The following MAPK8IP3 variants were observed in gnomAD, a reference collection of about 807,000 sequenced individuals.
MAPK8IP3 encodes the protein mitogen-activated protein kinase 8 interacting protein 3, also known as C-Jun-amino-terminal kinase-interacting protein 3.
In MAPK8IP3, 49 loss-of-function variants were observed where a neutral mutation model predicts 157.8. The ratio of observed to expected loss-of-function variants is 0.31; its 90% CI spans 0.25 to 0.39. The LOEUF (loss-of-function observed/expected upper bound fraction) is 0.39, where lower values mean the gene tolerates loss of function less well. MAPK8IP3 is among the 10% of genes least tolerant of loss of function. The pLI is 1.00. For missense variants in MAPK8IP3, 1,478 were observed against 1,889.4 expected, an observed-to-expected ratio of 0.78 and a Z score of 4.04; for synonymous variants, 897 against 777.7, an observed-to-expected ratio of 1.15 and a Z score of -2.55.
chr16:1,727,419 A>T (rs186165573), intron 2 of MAPK8IP3, among the ~76,000 whole-genome samples: 1 of 151,776 alleles, frequency 6.6e-6, no homozygotes, highest in African/African-American at 2.4e-5. Flanking sequence ...AGCGTCTGTG[A>T]GTCACATGTG....
At chr16:1,733,647 T>C (rs959622885) in intron 4 of MAPK8IP3, among the ~76,000 whole-genome samples, 1 of 152,218 alleles carries the variant, frequency 6.6e-6, no homozygotes, top group Non-Finnish European at 1.5e-5. Context: ...CCTTGGCTCG[T>C]CCTGGCGCCG....
chr16:1,736,490 GCGTCCGTGTGAGCGTGTGAC>G (rs2039846581), intron 4 of MAPK8IP3, among the ~76,000 whole-genome samples: 1 of 55,228 alleles, frequency 1.8e-5, no homozygotes, highest in Non-Finnish European at 3.2e-5. Context: ...GTGACCGTGA[GCGTCCGTGTGAGCGTGTGAC>G]CGTCCGTGTG....
intron 1 of MAPK8IP3, among the ~76,000 whole-genome samples, chr16:1,712,125 A>G (rs964554340): frequency 1.5e-5 from 2 of 130,734 alleles, no homozygotes; most frequent in South Asian, 2.5e-4. Context: ...ACAGTGGCGC[A>G]ATCTCGGCTC....
At position 1,761,246 on chromosome 16, in the gene MAPK8IP3, G is replaced by A. The variant is rs750160507; in HGVS notation, c.1480G>A (p.Ala494Thr). The A allele has an allele frequency of 5.0e-6, 8 of 1,613,500 alleles. No homozygotes were observed. The highest frequency in any genetic ancestry group is 2.2e-5 in the South Asian group (2 of 91,074). Residue 494 changes from alanine (A) to threonine (T), a missense_variant, in exon 13 of 32, where the codon GCC (alanine) becomes ACC (threonine). This residue lies in a region of MAPK8IP3 where 96 missense variants were observed against 106.3 expected (regional missense o/e 0.90). Transcript: ENST00000610761. Reference sequence around the variant, plus strand: ...CAGAGTGAAGTCCGAGGCCATCATCGCCCGCCGTGAACCCAAAGAAGAGGC... The same window carrying A: ...CAGAGTGAAGTCCGAGGCCATCATCACCCGCCGTGAACCCAAAGAAGAGGC... ...LKRVKSEAII[A>T]RREPKEEAED...
chr16:1,709,381 C>G (rs115286544), intron 1 of MAPK8IP3, among the ~76,000 whole-genome samples: 403 of 152,344 alleles, frequency 2.6e-3, no homozygotes, highest in African/African-American at 9.2e-3. Flanking sequence ...CTCTTCCCCT[C>G]GCTGGGCTGC....
intron 11 of MAPK8IP3, 60 bp from the exon 12 acceptor site, chr16:1,760,320 G>T: frequency 6.4e-7 from 1 of 1,557,898 alleles, no homozygotes; most frequent in East Asian, 2.3e-5. Flanking sequence ...CCCTGGCAAG[G>T]CCCCTTCACG....
chr16:1,760,684 C>A lies in MAPK8IP3; in HGVS notation c.1457+152C>A, dbSNP rs1339045619. 4 of 968,164 alleles carry A rather than the reference C, an allele frequency of 4.1e-6. No homozygotes were observed. In the East Asian group the frequency reaches 8.0e-5, roughly 19 times the overall value. 60.0% of individuals were successfully genotyped at this position (968,164 alleles called of 1,614,324 possible). A position where few individuals can be genotyped will look rare whatever the true frequency, so the allele number is the denominator to read the frequency against. On this transcript the variant is annotated intron_variant, in intron 12 of 31. Transcript: ENST00000610761. ...CCAGCTCACAGCCACTCCACCCCAA[C>A]CAGCAGAGTGGGGCCGTGGTCTCCT...
chr16:1,730,524 G>A (rs1007185060), intron 4 of MAPK8IP3, among the ~76,000 whole-genome samples: 5 of 152,056 alleles, frequency 3.3e-5, no homozygotes, highest in African/African-American at 7.2e-5. Context: ...CAGATCACGA[G>A]ATCAGGAGAT....
chr16:1,752,628 A>G, intron 8 of MAPK8IP3: 1 of 242,534 alleles, frequency 4.1e-6, no homozygotes, highest in Non-Finnish European at 8.5e-6. Flanking sequence ...TGCACCTGTA[A>G]GTCCCAGCTA....
At chr16:1,767,943 G>A (rs1338678721) in intron 28 of MAPK8IP3, 25 bp downstream of exon 28, 5 of 1,603,956 alleles carry the variant, frequency 3.1e-6, no homozygotes, top group Non-Finnish European at 4.3e-6. Flanking sequence ...CACCTGCAGG[G>A]GCAGTGGTGC....
chr16:1,758,299 A>C, intron 9 of MAPK8IP3, 140 bp downstream of exon 9: 1 of 918,320 alleles, frequency 1.1e-6, no homozygotes, highest in African/African-American at 1.7e-5. Flanking sequence ...TTCTGCTCGC[A>C]GCCACCGCCG....
chr16:1,763,509 C>T, intron 16 of MAPK8IP3, 148 bp from the exon 17 acceptor site: 1 of 1,190,968 alleles, frequency 8.4e-7, no homozygotes, highest in Non-Finnish European at 1.1e-6. Flanking sequence ...GGAAAGCCAC[C>T]CTTCCCAGCT....
chr16:1,762,816 C>T lies in MAPK8IP3; in HGVS notation c.1728-20C>T, dbSNP rs1232830561. 1 of 1,609,670 alleles carries T rather than the reference C, an allele frequency of 6.2e-7. No individual in the cohort carries two copies. The highest frequency in any genetic ancestry group is 8.5e-7 in the Non-Finnish European group (1 of 1,177,130). The stretch of plus-strand genomic sequence containing the variant: ...TCCCTGGTCCTCTGCCCACCCCTCA[C>T]CTCCCTGTGCCTCTGGCAGCTTCAG... On this transcript the variant is annotated intron_variant, in intron 15 of 31. Transcript: ENST00000610761.
chr16:1,718,867 T>A (rs1396461013), intron 1 of MAPK8IP3, among the ~76,000 whole-genome samples: 1 of 151,928 alleles, frequency 6.6e-6, no homozygotes, highest in African/African-American at 2.4e-5. Flanking sequence ...ATGAGTTTTC[T>A]CTCACCCCAA....
In MAPK8IP3 at chr16:1,763,026, C is replaced by A. The variant is rs765072796; in HGVS notation, c.1898+20C>A. 1.2e-6 allele frequency: 2 copies of A among 1,611,990 alleles called. No homozygotes were observed. The highest frequency in any genetic ancestry group is 1.3e-5 in the African/African-American group (1 of 75,060). On this transcript the variant is annotated intron_variant, in intron 16 of 31. Transcript: ENST00000610761. ...TGACGAGTGAGTGTCCCGCAGCCCCCACTTGTGGCCTGCAATGGGGTTGGG... is the reference window on the plus strand; with the variant it reads ...TGACGAGTGAGTGTCCCGCAGCCCCAACTTGTGGCCTGCAATGGGGTTGGG...
At chr16:1,738,488 G>C (rs565474387) in intron 4 of MAPK8IP3, among the ~76,000 whole-genome samples, 3 of 125,070 alleles carry the variant, frequency 2.4e-5, no homozygotes, top group Non-Finnish European at 3.3e-5. Flanking sequence ...CCGTGTGAGC[G>C]TGTGACCGTC....
rs771740462 is a variant in MAPK8IP3, at chr16:1,765,961, G to A, written c.2448G>A (p.Ala816=). ...AHVLCISSIP[A]ASDSDYPPGE... ...CTGACGGGCCGTCCCTCTCCCCAGC[G>A]GCCAGCGACAGCGACTACCCTCCCG... Residue 816 remains alanine (A), a splice_region_variant and synonymous_variant, in exon 21 of 32, where the codon GCG becomes GCA. Coordinates refer to ENST00000610761, the MANE Select transcript of MAPK8IP3 (RefSeq NM_001318852.2). The A allele has an allele frequency of 3.1e-6, 5 of 1,609,910 alleles. No homozygotes were observed. The Admixed American group carries it at 5.0e-5, about 16-fold the overall frequency.
Position 1,768,463 on chromosome 16 carries a change from T to C in MAPK8IP3, c.3743-14T>C. On this transcript the variant is annotated splice_polypyrimidine_tract_variant and intron_variant, in intron 30 of 31. Coordinates refer to ENST00000610761, the MANE Select transcript of MAPK8IP3 (RefSeq NM_001318852.2). Reference sequence around the variant, plus strand: ...CCAGGAGGCCGCTGTCCTGAATCGCTTCTGCCATCCCAGGGAACGTGCTGG... The same window carrying C: ...CCAGGAGGCCGCTGTCCTGAATCGCCTCTGCCATCCCAGGGAACGTGCTGG... 1.3e-6 allele frequency: 2 copies of C among 1,578,658 alleles called. No homozygotes were observed. Among genetic ancestry groups the C allele is most frequent in the Non-Finnish European group, 1.7e-6 (2 of 1,168,232 alleles).
chr16:1,737,775 A>AGAGT (rs1555449220), intron 4 of MAPK8IP3, among the ~76,000 whole-genome samples: 4 of 36,610 alleles, frequency 1.1e-4, no homozygotes, highest in Non-Finnish European at 1.3e-4. Context: ...CATCCGTGTG[A>AGAGT]GTGACCATCC....
Sources: gnomAD v4.1 joint callset for allele counts (sites outside exome capture counted in the v4.1 genomes callset) on GRCh38, gnomAD v4.1.1 for gene constraint, gnomAD v4.1.1 regional missense constraint, MANE v1.5 for transcripts, NCBI Gene and HGNC (gene_info 2026-07-23, HGNC 2026-07-21) for gene names.